CDC42BPA: variants seen among roughly 807,000 people sequenced by gnomAD.
CDC42BPA encodes CDC42 binding protein kinase alpha.
In CDC42BPA, 80 loss-of-function variants were observed where a neutral mutation model predicts 223.5. That is an observed-to-expected ratio of 0.36 (90% CI 0.30 to 0.43). The LOEUF (loss-of-function observed/expected upper bound fraction) is 0.43. Among genes scored for constraint, CDC42BPA ranks in the 20% least tolerant of loss-of-function variants. CDC42BPA has a pLI of 1.00. For missense variants in CDC42BPA, 1,743 were observed against 2,099.9 expected, an observed-to-expected ratio of 0.83 and a Z score of 3.32; for synonymous variants, 694 against 718.6, an observed-to-expected ratio of 0.97 and a Z score of 0.55.
chr1:227,225,757 T>A (rs1343158461), intron 2 of CDC42BPA, among the ~76,000 whole-genome samples: 1 of 151,496 alleles, frequency 6.6e-6, no homozygotes, highest in African/African-American at 2.4e-5. Context: ...CAATTGGTCA[T>A]GACAAATACA....
intron 21 of CDC42BPA, among the ~76,000 whole-genome samples, chr1:227,062,425 C>T (rs1676101071): frequency 6.6e-6 from 1 of 152,144 alleles, no homozygotes; most frequent in African/African-American, 2.4e-5. Context: ...CCATGATATA[C>T]GATCTTTATC....
At chr1:227,211,009 C>T (rs1250629917) in intron 3 of CDC42BPA, among the ~76,000 whole-genome samples, 1 of 152,158 alleles carries the variant, frequency 6.6e-6, no homozygotes, top group Non-Finnish European at 1.5e-5. Flanking sequence ...CTGTACAAAT[C>T]CTATCTCCCT....
chr1:227,012,856 C>A (rs1051225617), intron 34 of CDC42BPA, among the ~76,000 whole-genome samples: 8 of 151,998 alleles, frequency 5.3e-5, no homozygotes, highest in Non-Finnish European at 1.2e-4. Context: ...TATTTTCAGA[C>A]ATGCATATTA....
chr1:227,162,480 T>C (rs1412098713), intron 5 of CDC42BPA, among the ~76,000 whole-genome samples: 1 of 152,198 alleles, frequency 6.6e-6, no homozygotes, highest in Non-Finnish European at 1.5e-5. Context: ...TCTTTATAAA[T>C]GACACCAAAC....
chr1:227,263,674 C>G (rs1684492348), intron 1 of CDC42BPA, among the ~76,000 whole-genome samples: 1 of 151,762 alleles, frequency 6.6e-6, no homozygotes. Flanking sequence ...CTCCGCCTCC[C>G]AGGTTCAGGT....
intron 9 of CDC42BPA, 63 bp downstream of exon 9, chr1:227,142,882 T>C: frequency 1.8e-6 from 2 of 1,101,394 alleles, no homozygotes; most frequent in South Asian, 3.1e-5. Flanking sequence ...CCTCCCAAAG[T>C]GTTGGGATTA....
intron 2 of CDC42BPA, among the ~76,000 whole-genome samples, chr1:227,230,239 A>C (rs1313411838): frequency 6.6e-6 from 1 of 152,256 alleles, no homozygotes; most frequent in African/African-American, 2.4e-5. Context: ...TATACCTTCA[A>C]ACAGATAAAT....
rs1187846598 is a variant in CDC42BPA, at chr1:227,148,772, C to CAAAAAAGAAAAAAAAAAAAAAAAA, written c.694-1214_694-1213insTTTTTTTTTTTTTTTTTCTTTTTT. 1.1e-4 allele frequency among the ~76,000 whole-genome samples: 9 copies of CAAAAAAGAAAAAAAAAAAAAAAAA among 78,788 alleles called. 1 individual carries two copies. Among genetic ancestry groups the CAAAAAAGAAAAAAAAAAAAAAAAA allele is most frequent in the Middle Eastern group, 0.026 (2 of 76 alleles). 51.7% of individuals were successfully genotyped at this position (78,788 alleles called of 152,430 possible). On this transcript the variant is annotated intron_variant, in intron 6 of 36. Transcript: ENST00000366766. ...ACAGAGCAAGACTCGGTCTCAAAAG[C>CAAAAAAGAAAAAAAAAAAAAAAAA]AAAAAAAAAAAAAAAAAAAAAAAAA...
intron 1 of CDC42BPA, among the ~76,000 whole-genome samples, chr1:227,261,860 T>G (rs1051983901): frequency 2.0e-5 from 3 of 151,948 alleles, no homozygotes; most frequent in African/African-American, 7.3e-5. Flanking sequence ...AGGGTGTTGG[T>G]GGGGGGCAGC....
intron 1 of CDC42BPA, among the ~76,000 whole-genome samples, chr1:227,270,388 T>G (rs1685765988): frequency 6.6e-6 from 1 of 152,134 alleles, no homozygotes; most frequent in Non-Finnish European, 1.5e-5. Context: ...CCACTTTTAT[T>G]TCTGAAAGCA....
At chr1:227,250,441 T>C (rs996498508) in intron 2 of CDC42BPA, among the ~76,000 whole-genome samples, 2 of 151,874 alleles carry the variant, frequency 1.3e-5, no homozygotes, top group African/African-American at 2.4e-5. Flanking sequence ...TGAGCCAAGA[T>C]TGCACCACTG....
chr1:227,093,582 A>G (rs959829425), intron 15 of CDC42BPA, among the ~76,000 whole-genome samples: 2 of 152,188 alleles, frequency 1.3e-5, no homozygotes, highest in Non-Finnish European at 2.9e-5. Context: ...TCTGGACACC[A>G]TAACTCATAC....
intron 2 of CDC42BPA, among the ~76,000 whole-genome samples, chr1:227,220,023 G>A (rs796263787): frequency 2.0e-5 from 3 of 151,906 alleles, no homozygotes; most frequent in Non-Finnish European, 4.4e-5. Flanking sequence ...TCAGTCATGC[G>A]TCAAGTGCTC....
In CDC42BPA at chr1:227,220,679, A is replaced by T. The variant is rs560654272; in HGVS notation, c.271-7460T>A. ...CCAACTCTAAATGTTTTTGCGCTTC[A>T]TACCTCTTTTCCTTTTGAACCCTAC... On this transcript the variant is annotated intron_variant, in intron 2 of 36. Coordinates refer to ENST00000366766, the MANE Select transcript of CDC42BPA (RefSeq NM_001394014.1). 8.1e-5 allele frequency among the ~76,000 whole-genome samples: 12 copies of T among 149,060 alleles called. No homozygotes were observed. The South Asian group carries it at 2.6e-3, about 32-fold the overall frequency.
chr1:227,300,669 G>A (rs556661472), intron 1 of CDC42BPA, among the ~76,000 whole-genome samples: 17 of 152,274 alleles, frequency 1.1e-4, no homozygotes, highest in Admixed American at 3.9e-4. Flanking sequence ...TGGAGACTCA[G>A]AAGGGAGAAG....
chr1:227,047,539 A>G (rs17601919), intron 23 of CDC42BPA, among the ~76,000 whole-genome samples: 21,469 of 152,078 alleles, frequency 0.14, 1,898 homozygotes, highest in South Asian at 0.34. Context: ...TACTTCAGTC[A>G]TATTTATGTC....
intron 1 of CDC42BPA, among the ~76,000 whole-genome samples, chr1:227,304,942 TTAAA>T (rs1467041424): frequency 3.3e-5 from 5 of 152,088 alleles, no homozygotes; most frequent in South Asian, 2.1e-4. Flanking sequence ...TTAAAGAACT[TTAAA>T]TAATTTTTAA....
intron 10 of CDC42BPA, among the ~76,000 whole-genome samples, chr1:227,138,255 A>G (rs1437885520): frequency 2.6e-5 from 4 of 152,100 alleles, no homozygotes; most frequent in Non-Finnish European, 5.9e-5. Flanking sequence ...CATTCACAAA[A>G]TATGTAAGTA....
chr1:227,254,247 C>A (rs1460069698), intron 1 of CDC42BPA, 92 bp from the exon 2 acceptor site: 25 of 632,292 alleles, frequency 4.0e-5, no homozygotes, highest in Non-Finnish European at 6.1e-5. Flanking sequence ...CACAAAAATT[C>A]AAATTATGAT....
Sources: allele counts gnomAD v4.1 joint callset (sites outside exome capture counted in the v4.1 genomes callset), GRCh38; gene constraint gnomAD v4.1.1; transcripts MANE v1.5; gene names NCBI Gene and HGNC (gene_info 2026-07-23, HGNC 2026-07-21).